The following SPTBN2 variants were observed in gnomAD, a reference collection of about 807,000 sequenced individuals.
SPTBN2 encodes the protein spectrin beta, non-erythrocytic 2.
A neutral mutation model predicts 284.2 loss-of-function variants in SPTBN2; 107 were observed. That is an observed-to-expected ratio of 0.38 (90% CI 0.32 to 0.44). The LOEUF (loss-of-function observed/expected upper bound fraction) is 0.44. Ranked by LOEUF, SPTBN2 falls within the 20% of genes least tolerant of loss-of-function variation. The pLI is 1.00. For missense variants in SPTBN2, 2,569 were observed against 3,287.1 expected (o/e 0.78, Z 5.34); for synonymous variants, 1,289 against 1,354.8 (o/e 0.95, Z 1.07).
Position 66,687,011 on chromosome 11 carries a change from T to C in SPTBN2, c.6879A>G (p.Lys2293=), listed in dbSNP as rs937049229. Residue 2293 remains lysine (K), a synonymous_variant, in exon 36 of 38, where the codon AAA becomes AAG. Transcript: ENST00000533211. The surrounding 1 kb of genome is among the most constrained non-coding windows in gnomAD (Gnocchi z 5.2). ...GSVAFDYRKR[K]HVFKLGLQDG... ...GTTCCTACCCCAGCTTGAAGACATG[T>C]TTGCGCTTTCGGTAATCAAAGGCGA... 1 of 1,613,886 alleles carries C rather than the reference T, an allele frequency of 6.2e-7. No homozygotes were observed. The highest frequency in any genetic ancestry group is 1.3e-5 in the African/African-American group (1 of 74,928).
chr11:66,714,274 G>C (rs1942033978), intron 6 of SPTBN2, 42 bp downstream of exon 6: 2 of 1,608,174 alleles, frequency 1.2e-6, no homozygotes, highest in African/African-American at 2.7e-5. Context: ...ACAGCCTGGG[G>C]GTCACTGACC....
In SPTBN2 at chr11:66,682,831, C is replaced by T. The variant is rs952652593; in HGVS notation, c.*3040G>A. On this transcript the variant is annotated 3_prime_UTR_variant, in exon 38 of 38. Transcript: ENST00000533211. ...AGACTGGAGTGCAGTGGCATGATCT[C>T]GGCTCACTGTAACCTCTGCTTCCCA... Among the ~76,000 whole-genome samples, 10 of 151,678 alleles carry T rather than the reference C, an allele frequency of 6.6e-5. No homozygotes were observed. Among genetic ancestry groups the T allele is most frequent in the Middle Eastern group, 3.2e-3 (1 of 316 alleles).
At position 66,707,293 on chromosome 11, in the gene SPTBN2, T is replaced by C. The variant is rs973390500; in HGVS notation, c.1653+223A>G. Reference sequence around the variant, plus strand: ...AGTGGTTTTATGGCCCCTGCTCTTTTGTTTACGGAAAGGTCCGTGGGTTTT... The same window carrying C: ...AGTGGTTTTATGGCCCCTGCTCTTTCGTTTACGGAAAGGTCCGTGGGTTTT... On this transcript the variant is annotated intron_variant, in intron 13 of 37. Coordinates refer to ENST00000533211, the MANE Select transcript of SPTBN2 (RefSeq NM_006946.4). The surrounding 1 kb of genome is among the most constrained non-coding windows in gnomAD (Gnocchi z 4.9). Among the ~76,000 whole-genome samples the C allele has an allele frequency of 2.6e-5, 4 of 152,224 alleles. No individual in the cohort carries two copies. Among genetic ancestry groups the C allele is most frequent in the Non-Finnish European group, 5.9e-5 (4 of 68,036 alleles).
chr11:66,705,460 G>A lies in SPTBN2; in HGVS notation c.1816C>T (p.Pro606Ser). The A allele has an allele frequency of 6.2e-7, 1 of 1,613,046 alleles. No individual in the cohort carries two copies. Among genetic ancestry groups the A allele is most frequent in the Non-Finnish European group, 8.5e-7 (1 of 1,180,034 alleles). The change falls in exon 15 of 38, where the codon CCT (proline) becomes TCT (serine). Residue 606 changes from proline to serine, a missense_variant. Transcript: ENST00000533211. The stretch of plus-strand genomic sequence containing the variant: ...TCCGACACCAGCTGCGGGTCGCAAG[G>A]TCTATACTCTGAGAAAGTCACAGGA... Reference protein sequence around the residue: ...RFCNPGKEYRPCDPQLVSERV... With the variant: ...RFCNPGKEYRSCDPQLVSERV...
intron 13 of SPTBN2, among the ~76,000 whole-genome samples, chr11:66,706,094 A>T (rs1160462189): frequency 2.6e-5 from 4 of 151,996 alleles, no homozygotes; most frequent in African/African-American, 9.7e-5. Context: ...CAGCCTCAGA[A>T]TCATCGACAC....
chr11:66,734,681 T>C (rs1341666251), intron 1 of SPTBN2, among the ~76,000 whole-genome samples: 1 of 152,158 alleles, frequency 6.6e-6, no homozygotes, highest in Admixed American at 6.5e-5. Context: ...TTGGTTGTGT[T>C]CTCTTTTACA....
At chr11:66,699,134 G>A in intron 18 of SPTBN2, 52 bp from the exon 19 acceptor site, 13 of 1,605,854 alleles carry the variant, frequency 8.1e-6, no homozygotes, top group Non-Finnish European at 1.1e-5. Flanking sequence ...AAAGGATTGT[G>A]ACCCTTTGGC....
intron 1 of SPTBN2, among the ~76,000 whole-genome samples, chr11:66,723,204 T>TAAA (rs749851666): frequency 7.1e-6 from 1 of 141,030 alleles, no homozygotes; most frequent in Non-Finnish European, 1.6e-5. Context: ...CTGCTGGGGA[T>TAAA]AAAAAAAAAA....
chr11:66,727,596 C>T (rs1216078485), intron 1 of SPTBN2, among the ~76,000 whole-genome samples: 1 of 152,198 alleles, frequency 6.6e-6, no homozygotes, highest in African/African-American at 2.4e-5. Flanking sequence ...TCCCCGCCGC[C>T]CGAAGCGTCT....
chr11:66,736,566 A>C (rs1942852050), intron 1 of SPTBN2, among the ~76,000 whole-genome samples: 2 of 152,230 alleles, frequency 1.3e-5, no homozygotes, highest in South Asian at 4.1e-4. Context: ...CTGTGAATAC[A>C]CAGACCTTTG....
chr11:66,715,446 T>C lies in SPTBN2; in HGVS notation c.310-51A>G. 2 of 1,571,728 alleles carry C rather than the reference T, an allele frequency of 1.3e-6. No homozygotes were observed. The highest frequency in any genetic ancestry group is 1.7e-6 in the Non-Finnish European group (2 of 1,156,032). Reference sequence around the variant, plus strand: ...CACGGGACTGTGGGCTTCCACCTTCTTCCCCAGCCTTCACAGGGCCCAGCT... The same window carrying C: ...CACGGGACTGTGGGCTTCCACCTTCCTCCCCAGCCTTCACAGGGCCCAGCT... On this transcript the variant is annotated intron_variant, in intron 4 of 37. Transcript: ENST00000533211. The surrounding 1 kb of genome is among the most constrained non-coding windows in gnomAD (Gnocchi z 5.3).
In SPTBN2 at chr11:66,688,717, T is replaced by A; in HGVS notation, c.6167A>T (p.Glu2056Val). The A allele has an allele frequency of 6.2e-7, 1 of 1,613,886 alleles. No homozygotes were observed. The highest frequency in any genetic ancestry group is 1.7e-5 in the Admixed American group (1 of 60,034). ...GGCCACTGCTGACTTCTGGAAGGCC[T>A]CGTGCCGCTTGATGAGGCTCTCAAC... ...DEVESLIKRH[E>V]AFQKSAVAWE... Residue 2056 changes from glutamate to valine, a missense_variant, in exon 31 of 38, where the codon GAG (glutamate) becomes GTG (valine). Physicochemically the swap from Glu to Val is moderately radical, Grantham distance 121. Around this residue, in one of 6 missense-constraint regions of SPTBN2, gnomAD observed 1,130 missense variants for 1,317.3 expected, o/e 0.86. Coordinates refer to ENST00000533211, the MANE Select transcript of SPTBN2 (RefSeq NM_006946.4).
Position 66,704,989 on chromosome 11 carries a change from A to G in SPTBN2, c.2287T>C (p.Leu763=), listed in dbSNP as rs766417399. 16 of 1,606,556 alleles carry G rather than the reference A, an allele frequency of 1.0e-5. No individual in the cohort carries two copies. The South Asian group carries it at 1.5e-4, about 15-fold the overall frequency. The change falls in exon 15 of 38, where the codon TTG becomes CTG. Residue 763 remains leucine (L), a synonymous_variant. Transcript: ENST00000533211. ...QADANDMEAW[L]VDALRLVSSP... ...GACACCAGGCGCAGTGCGTCAACCAACCAGGCCTCCATGTCGTTTGCATCG... is the reference window on the plus strand; with the variant it reads ...GACACCAGGCGCAGTGCGTCAACCAGCCAGGCCTCCATGTCGTTTGCATCG...
At chr11:66,733,167 T>C (rs1044998820), upstream of SPTBN2, among the ~76,000 whole-genome samples, 9 of 152,092 alleles carry the variant, frequency 5.9e-5, no homozygotes, top group African/African-American at 2.2e-4. Context: ...TGAGAGACTA[T>C]TGAAAGGTTG....
intron 29 of SPTBN2, chr11:66,689,491 A>G: frequency 1.9e-6 from 1 of 538,756 alleles, no homozygotes; most frequent in Non-Finnish European, 3.3e-6. Flanking sequence ...ATCACAGCCC[A>G]GCCACACAAC....
Position 66,693,255 on chromosome 11 carries a change from G to A in SPTBN2, c.4785C>T (p.Arg1595=), listed in dbSNP as rs776153808. ...TCCAGGCCTCCGCCTCGGCGGCATC[G>A]CGGTAGAACTGCTGGGCTCGCAGGG... is the stretch of plus-strand genomic sequence containing the variant. The part of the protein sequence containing the change: ...EDALRAQQFY[R]DAAEAEAWMG... The change falls in exon 24 of 38, where the codon CGC becomes CGT. Residue 1595 remains arginine (R), a synonymous_variant. Transcript: ENST00000533211. This position sits in a 1 kb window ranked among gnomAD's most constrained non-coding sequence, Gnocchi z 5.7. The A allele has an allele frequency of 9.3e-6, 15 of 1,613,970 alleles. No homozygotes were observed. Among genetic ancestry groups the A allele is most frequent in the Admixed American group, 1.7e-5 (1 of 60,008 alleles).
chr11:66,704,793 G>A lies in SPTBN2; in HGVS notation c.2483C>T (p.Pro828Leu). 2 of 1,604,126 alleles carry A rather than the reference G, an allele frequency of 1.2e-6. No homozygotes were observed. The highest frequency in any genetic ancestry group is 1.7e-6 in the Non-Finnish European group (2 of 1,177,528). ...SRTPEVQSRV[P>L]TLERHYEELQ... ...CTCCTCGTAGTGCCGCTCCAGGGTG[G>A]GCACCCGGCTCTGCACCTCGGGCGT... The change falls in exon 15 of 38, where the codon CCC becomes CTC. Residue 828 changes from proline to leucine, a missense_variant. This residue lies in a region of SPTBN2 where 1,012 missense variants were observed against 1,248.9 expected (regional missense o/e 0.81). Coordinates refer to ENST00000533211, the MANE Select transcript of SPTBN2 (RefSeq NM_006946.4).
rs1412041673 is a variant in SPTBN2 at position 66,701,043 on chromosome 11, G to C, written c.3056C>G (p.Thr1019Ser). ...EAIAARVGEL[T>S]REANALAAGH... ...GGCAGCCAGGGCATTTGCCTCTCGA[G>C]TCAGTTCGCCCACCCGGGCGGCGAT... Residue 1019 changes from threonine to serine, a missense_variant, in exon 17 of 38, where the codon ACT becomes AGT. This residue lies in a region of SPTBN2 where 1,012 missense variants were observed against 1,248.9 expected (regional missense o/e 0.81). Coordinates refer to ENST00000533211, the MANE Select transcript of SPTBN2 (RefSeq NM_006946.4). 1.9e-6 allele frequency: 3 copies of C among 1,609,378 alleles called. No individual in the cohort carries two copies. Among genetic ancestry groups the C allele is most frequent in the Non-Finnish European group, 2.5e-6 (3 of 1,179,838 alleles).
At chr11:66,690,367 C>A in intron 27 of SPTBN2, 84 bp from the exon 28 acceptor site, 1 of 1,453,996 alleles carries the variant, frequency 6.9e-7, no homozygotes, top group Non-Finnish European at 9.0e-7. Context: ...CCACTCTCAC[C>A]TCCTGCCTGT....
Sources: gnomAD v4.1 joint callset for allele counts (sites outside exome capture counted in the v4.1 genomes callset) on GRCh38, gnomAD v4.1.1 for gene constraint, gnomAD v4.1.1 regional missense constraint, Gnocchi (gnomAD v3.1) non-coding constraint, MANE v1.5 for transcripts, NCBI Gene and HGNC (gene_info 2026-07-23, HGNC 2026-07-21) for gene names.